MUC5B: variants seen among roughly 807,000 people sequenced by gnomAD.
MUC5B encodes mucin-5B.
In MUC5B, 116 loss-of-function variants were observed where a neutral mutation model predicts 376.9. That is an observed-to-expected ratio of 0.31 (90% CI 0.26 to 0.36). The LOEUF is 0.36. Ranked by LOEUF, MUC5B falls within the 10% of genes least tolerant of loss-of-function variation. MUC5B has a pLI of 1.00. For synonymous variants in MUC5B, 3,517 were observed against 3,390.9 expected (o/e 1.04, Z -1.29); for missense variants, 7,165 against 7,769.9 (o/e 0.92, Z 2.93).
At position 1,240,233 on chromosome 11, in the gene MUC5B, C is replaced by A. The variant is rs369822388; in HGVS notation, c.3828C>A (p.Asn1276Lys). 3.1e-6 allele frequency: 5 copies of A among 1,613,288 alleles called. No homozygotes were observed. In the African/African-American group the frequency reaches 6.7e-5, roughly 22 times the overall value. Residue 1276 changes from asparagine to lysine, a missense_variant, in exon 30 of 49, where the codon AAC becomes AAA. Physicochemically the swap from Asn to Lys is moderately conservative, Grantham distance 94 (BLOSUM62 0). Transcript: ENST00000529681. ...ACAGCTACCAGGACGTCATCTACAACACCACCGATGGGCTTGGCGCCTGCT... is the reference window on the plus strand; with the variant it reads ...ACAGCTACCAGGACGTCATCTACAAAACCACCGATGGGCTTGGCGCCTGCT... ...RTYSYQDVIY[N>K]TTDGLGACLI... is the part of the protein sequence containing the mutation.
At position 1,242,853 on chromosome 11, in the gene MUC5B, C is replaced by A. The variant is rs761679796; in HGVS notation, c.5973C>A (p.Thr1991=). The A allele has an allele frequency of 6.2e-6, 10 of 1,613,202 alleles. No individual in the cohort carries two copies. The highest frequency in any genetic ancestry group is 2.2e-5 in the South Asian group (2 of 91,034). Reference sequence around the variant, plus strand: ...TCCCCTCTTCCTCCCTGGGCACCACCTGGACCCGCCTATCACAGACCACCA... The same window carrying A: ...TCCCCTCTTCCTCCCTGGGCACCACATGGACCCGCCTATCACAGACCACCA... ...TPIPSSSLGT[T]WTRLSQTTTP... is the part of the protein sequence containing the mutation. Residue 1991 remains threonine, a synonymous_variant, in exon 31 of 49, where the codon ACC becomes ACA. Coordinates refer to ENST00000529681, the MANE Select transcript of MUC5B (RefSeq NM_002458.3).
In MUC5B at chr11:1,237,110, C is replaced by T. The variant is rs368839990; in HGVS notation, c.3243C>T (p.Ala1081=). 2.8e-5 allele frequency: 43 copies of T among 1,543,294 alleles called. No individual in the cohort carries two copies. The highest frequency in any genetic ancestry group is 5.5e-5 in the African/African-American group (4 of 72,270). ...CTANPFRKSW[A]QKQCSILHGP... Reference sequence around the variant, plus strand: ...CCAACCCCTTCCGCAAGTCCTGGGCCCAGAAGCAGTGCAGCATCCTCCACG... The same window carrying T: ...CCAACCCCTTCCGCAAGTCCTGGGCTCAGAAGCAGTGCAGCATCCTCCACG... Residue 1081 remains alanine (A), a synonymous_variant, in exon 25 of 49, where the codon GCC becomes GCT. Coordinates refer to ENST00000529681, the MANE Select transcript of MUC5B (RefSeq NM_002458.3).
rs761796055 is a variant in MUC5B, at chr11:1,259,973, C to A, written c.16811C>A (p.Thr5604Asn). 3.1e-6 allele frequency: 5 copies of A among 1,612,992 alleles called. No homozygotes were observed. The South Asian group carries it at 5.5e-5, about 18-fold the overall frequency. The change falls in exon 46 of 49, where the codon ACC (threonine) becomes AAC (asparagine). Residue 5604 changes from threonine (T) to asparagine (N), a missense_variant. Transcript: ENST00000529681. ...PDGQPVQLNETWVNSHVDNCT... is the reference protein window; with the variant it reads ...PDGQPVQLNENWVNSHVDNCT... ...ACCCTTGCATTTCAGCTGAATGAAA[C>A]CTGGGTCAACAGCCATGTGGACAAC...
rs765445834 is a variant in MUC5B, at chr11:1,243,651, T to C, written c.6771T>C (p.Pro2257=). 6.2e-7 allele frequency: 1 copy of C among 1,608,752 alleles called. No individual in the cohort carries two copies. Among genetic ancestry groups the C allele is most frequent in the Non-Finnish European group, 8.5e-7 (1 of 1,178,864 alleles). The change falls in exon 31 of 49, where the codon CCT becomes CCC. Residue 2257 remains proline (P), a synonymous_variant. Transcript: ENST00000529681. ...CTCCAGCCCTTTCCAGCCCTCACCC[T>C]AGCAGCAGAACCACCGAGTCACCCC... is the stretch of plus-strand genomic sequence containing the variant. ...HSTPALSSPH[P]SSRTTESPPS...
chr11:1,259,309 AAGGCACCTGCCCCCAAGTGAGACCCG>A (rs939519750), intron 44 of MUC5B, among the ~76,000 whole-genome samples: 3 of 128,200 alleles, frequency 2.3e-5, no homozygotes, highest in African/African-American at 9.0e-5. Context: ...GTGAGCCACC[AAGGCACCTGCCCCCAAGTGAGACCCG>A]AGGCACCTGC....
At chr11:1,232,968 G>A in intron 17 of MUC5B, 45 bp from the exon 18 acceptor site, 1 of 1,513,694 alleles carries the variant, frequency 6.6e-7, no homozygotes, top group Non-Finnish European at 8.8e-7. Flanking sequence ...GGCTGGCCAG[G>A]CTGCTCGGCC....
rs778387027 is a variant in MUC5B, at chr11:1,249,408, C to T, written c.12528C>T (p.Ala4176=). 5.0e-6 allele frequency: 8 copies of T among 1,611,348 alleles called. No individual in the cohort carries two copies. In the South Asian group the frequency reaches 6.6e-5, roughly 13 times the overall value. ...CEQPLGLECR[A]QAQPGVPLGE... ...AGCCCCTGGGCCTCGAGTGCCGTGC[C>T]CAGGCCCAGCCTGGTGTCCCCCTGG... Residue 4176 remains alanine (A), a synonymous_variant, in exon 31 of 49, where the codon GCC becomes GCT. Coordinates refer to ENST00000529681, the MANE Select transcript of MUC5B (RefSeq NM_002458.3).
intron 9 of MUC5B, 127 bp from the exon 10 acceptor site, chr11:1,229,563 G>T: frequency 1.1e-6 from 1 of 891,524 alleles, no homozygotes; most frequent in Non-Finnish European, 1.7e-6. Flanking sequence ...GTGCAGCTCA[G>T]GGCGGGGGCG....
At position 1,257,647 on chromosome 11, in the gene MUC5B, C is replaced by T. The variant is rs1211817066; in HGVS notation, c.16387C>T (p.Pro5463Ser). 1.3e-6 allele frequency: 2 copies of T among 1,595,116 alleles called. No individual in the cohort carries two copies. Among genetic ancestry groups the T allele is most frequent in the South Asian group, 1.1e-5 (1 of 89,950 alleles). Residue 5463 changes from proline to serine, a missense_variant, in exon 41 of 49, where the codon CCC becomes TCC. Pro to Ser is a moderately conservative substitution (Grantham distance 74). Transcript: ENST00000529681. The surrounding 1 kb of genome is among the most constrained non-coding windows in gnomAD (Gnocchi z 8.9). ...GGGTCAGCCCCCGCCGTGCAACCGT[C>T]CCGGCTTCGTAACCGTGACCAGGCC... ...AQGQPPPCNR[P>S]GFVTVTRPRA...
rs1235562707 is a variant in MUC5B at position 1,244,625 on chromosome 11, C to A, written c.7745C>A (p.Thr2582Asn). The A allele has an allele frequency of 2.5e-6, 4 of 1,613,704 alleles. No individual in the cohort carries two copies. The highest frequency in any genetic ancestry group is 3.4e-6 in the Non-Finnish European group (4 of 1,179,830). ...GTCCACACCTCCACAGTGCTTACCACCACGGCCACCACAACCGGGGCCACC... is the reference window on the plus strand; with the variant it reads ...GTCCACACCTCCACAGTGCTTACCAACACGGCCACCACAACCGGGGCCACC... The part of the protein sequence containing the change: ...ETVHTSTVLT[T>N]TATTTGATGS... The change falls in exon 31 of 49, where the codon ACC becomes AAC. Residue 2582 changes from threonine to asparagine, a missense_variant. Transcript: ENST00000529681.
At position 1,256,692 on chromosome 11, in the gene MUC5B, G is replaced by C; in HGVS notation, c.16158G>C (p.Glu5386Asp). ...CNSRNQSPQLEGMAEGCFCPE... is the reference protein window; with the variant it reads ...CNSRNQSPQLDGMAEGCFCPE... Reference sequence around the variant, plus strand: ...GCAGGAACCAGAGCCCACAGCTGGAGGGGATGGCGGAGGGCTGCTTCTGCC... The same window carrying C: ...GCAGGAACCAGAGCCCACAGCTGGACGGGATGGCGGAGGGCTGCTTCTGCC... Residue 5386 changes from glutamate to aspartate, a missense_variant, in exon 39 of 49, where the codon GAG (glutamate) becomes GAC (aspartate). Physicochemically the swap from Glu to Asp is conservative, Grantham distance 45. Coordinates refer to ENST00000529681, the MANE Select transcript of MUC5B (RefSeq NM_002458.3). The C allele has an allele frequency of 6.4e-7, 1 of 1,568,568 alleles. No individual in the cohort carries two copies. Among genetic ancestry groups the C allele is most frequent in the South Asian group, 1.2e-5 (1 of 84,828 alleles).
Position 1,249,417 on chromosome 11 carries a change from G to T in MUC5B, c.12537G>T (p.Gln4179His). 5 of 1,611,268 alleles carry T rather than the reference G, an allele frequency of 3.1e-6. No homozygotes were observed. The highest frequency in any genetic ancestry group is 4.2e-6 in the Non-Finnish European group (5 of 1,179,584). ...PLGLECRAQA[Q>H]PGVPLGELGQ... ...GCCTCGAGTGCCGTGCCCAGGCCCA[G>T]CCTGGTGTCCCCCTGGGGGAGTTGG... The change falls in exon 31 of 49, where the codon CAG becomes CAT. Residue 4179 changes from glutamine to histidine, a missense_variant. Physicochemically the swap from Gln to His is conservative, Grantham distance 24. Around this residue, in one of 31 missense-constraint regions of MUC5B, gnomAD observed 34 missense variants for 25.7 expected, o/e 1.32. Coordinates refer to ENST00000529681, the MANE Select transcript of MUC5B (RefSeq NM_002458.3).
chr11:1,226,916 C>T (rs1861898463), intron 4 of MUC5B, 40 bp downstream of exon 4: 2 of 1,550,696 alleles, frequency 1.3e-6, no homozygotes, highest in African/African-American at 2.7e-5. Flanking sequence ...GGCCGGGCCA[C>T]ACAGTGTGAC....
intron 34 of MUC5B, 128 bp downstream of exon 34, chr11:1,254,479 A>AG (rs1199777809): frequency 7.2e-7 from 1 of 1,396,792 alleles, no homozygotes; most frequent in Admixed American, 2.2e-5. Context: ...CCCAGGGGGC[A>AG]GGGAAGGCCT....
Position 1,241,556 on chromosome 11 carries a change from T to C in MUC5B, c.4676T>C (p.Leu1559Pro). 1 of 1,612,482 alleles carries C rather than the reference T, an allele frequency of 6.2e-7. No homozygotes were observed. Among genetic ancestry groups the C allele is most frequent in the Non-Finnish European group, 8.5e-7 (1 of 1,179,380 alleles). ...GCCGAGAGCTTCCCCAACTGGACCC[T>C]GGCACAGGTGGGGCAGAAGGTGCAC... ...CQAESFPNWT[L>P]AQVGQKVHCD... The change falls in exon 31 of 49, where the codon CTG becomes CCG. Residue 1559 changes from leucine (L) to proline (P), a missense_variant. Around this residue, in one of 31 missense-constraint regions of MUC5B, gnomAD observed 517 missense variants for 545.3 expected, o/e 0.95. Transcript: ENST00000529681.
At chr11:1,224,188 A>G (rs1010622709) in intron 1 of MUC5B, among the ~76,000 whole-genome samples, 1 of 152,160 alleles carries the variant, frequency 6.6e-6, no homozygotes. Flanking sequence ...AGGGACTCTC[A>G]GCCCACCCGT....
Position 1,246,194 on chromosome 11 carries a change from C to T in MUC5B, c.9314C>T (p.Thr3105Ile). Reference sequence around the variant, plus strand: ...TCCTCCACTCCGGAGACCACCCACACCTCCACAGTGCTGACCACGAAGGCC... The same window carrying T: ...TCCTCCACTCCGGAGACCACCCACATCTCCACAGTGCTGACCACGAAGGCC... ...HPSSTPETTH[T>I]STVLTTKATT... The change falls in exon 31 of 49, where the codon ACC (threonine) becomes ATC (isoleucine). Residue 3105 changes from threonine to isoleucine, a missense_variant. Coordinates refer to ENST00000529681, the MANE Select transcript of MUC5B (RefSeq NM_002458.3). 6.2e-7 allele frequency: 1 copy of T among 1,612,820 alleles called. No homozygotes were observed. The highest frequency in any genetic ancestry group is 8.5e-7 in the Non-Finnish European group (1 of 1,179,592).
In MUC5B at chr11:1,240,439, C is replaced by G. The variant is rs948797212; in HGVS notation, c.3970+64C>G. 8 of 1,443,738 alleles carry G rather than the reference C, an allele frequency of 5.5e-6. No homozygotes were observed. In the African/African-American group the frequency reaches 9.9e-5, roughly 18 times the overall value. 89.4% of individuals were successfully genotyped at this position (1,443,738 alleles called of 1,614,324 possible). A position where few individuals can be genotyped will look rare whatever the true frequency, so the allele number is the denominator to read the frequency against. On this transcript the variant is annotated intron_variant, in intron 30 of 48. Coordinates refer to ENST00000529681, the MANE Select transcript of MUC5B (RefSeq NM_002458.3). Reference sequence around the variant, plus strand: ...TGGGTGACAAGGAGGACCCCCTGGGCTCTTAGTGCAGGTGCCCTGTATGGT... The same window carrying G: ...TGGGTGACAAGGAGGACCCCCTGGGGTCTTAGTGCAGGTGCCCTGTATGGT...
At position 1,246,410 on chromosome 11, in the gene MUC5B, C is replaced by T. The variant is rs200012359; in HGVS notation, c.9530C>T (p.Thr3177Ile). 1.9e-6 allele frequency: 3 copies of T among 1,611,530 alleles called. No homozygotes were observed. Among genetic ancestry groups the T allele is most frequent in the African/African-American group, 1.3e-5 (1 of 74,884 alleles). ...PSTTATVTVPTGSTATASSTR... is the reference protein window; with the variant it reads ...PSTTATVTVPIGSTATASSTR... ...ACTACAGCCACCGTGACGGTGCCCACCGGATCCACGGCCACCGCCTCCTCC... is the reference window on the plus strand; with the variant it reads ...ACTACAGCCACCGTGACGGTGCCCATCGGATCCACGGCCACCGCCTCCTCC... The change falls in exon 31 of 49, where the codon ACC (threonine) becomes ATC (isoleucine). Residue 3177 changes from threonine to isoleucine, a missense_variant. Thr to Ile is a moderately conservative substitution (Grantham distance 89). Coordinates refer to ENST00000529681, the MANE Select transcript of MUC5B (RefSeq NM_002458.3).
Sources: allele counts gnomAD v4.1 joint callset (sites outside exome capture counted in the v4.1 genomes callset), GRCh38; gene constraint gnomAD v4.1.1; regional missense constraint gnomAD v4.1.1; non-coding constraint Gnocchi (gnomAD v3.1); transcripts MANE v1.5; gene names NCBI Gene and HGNC (gene_info 2026-07-23, HGNC 2026-07-21).